The following TBC1D8 variants were observed in gnomAD, a reference collection of about 807,000 sequenced individuals.
The protein encoded by TBC1D8 is TBC1 domain family member 8, also known as BUB2-like protein 1.
TBC1D8 carries 65 observed loss-of-function variants against 118.8 expected under a neutral mutation model. The ratio of observed to expected loss-of-function variants is 0.55; its 90% confidence interval spans 0.45 to 0.67. The LOEUF is 0.67. TBC1D8 is among the 30% of genes least tolerant of loss of function. The probability of loss-of-function intolerance (pLI) is 0.00; values close to 1 mark genes in which losing one functional copy is unlikely to be tolerated. For missense variants in TBC1D8, 1,376 were observed against 1,471.2 expected (o/e 0.94, Z 1.06); for synonymous variants, 566 against 595.8 (o/e 0.95, Z 0.73).
At chr2:101,137,865 T>G (rs1558728773) in intron 1 of TBC1D8, among the ~76,000 whole-genome samples, 1 of 152,198 alleles carries the variant, frequency 6.6e-6, no homozygotes, top group South Asian at 2.1e-4. Flanking sequence ...TGTATAGTGC[T>G]AAGCCAACAG....
intron 1 of TBC1D8, among the ~76,000 whole-genome samples, chr2:101,123,247 G>A (rs2016986): frequency 0.19 from 29,041 of 151,930 alleles, 3,273 homozygotes; most frequent in African/African-American, 0.3. Flanking sequence ...GGAGTCTTTA[G>A]GCTTTTCTAG....
At chr2:101,037,801 G>A (rs944868041) in intron 7 of TBC1D8, 93 bp from the exon 8 acceptor site, 27 of 1,499,020 alleles carry the variant, frequency 1.8e-5, no homozygotes, top group Non-Finnish European at 2.3e-5. Flanking sequence ...GCCTTTGGAT[G>A]CACGGGCATA....
intron 2 of TBC1D8, chr2:101,068,687 T>C (rs1355210995): frequency 2.1e-5 from 8 of 376,378 alleles, no homozygotes; most frequent in Non-Finnish European, 3.8e-5. Context: ...TAGGGAACAA[T>C]CTGCCTTATC....
At chr2:101,127,490 C>T (rs1164927273) in intron 1 of TBC1D8, among the ~76,000 whole-genome samples, 1 of 152,116 alleles carries the variant, frequency 6.6e-6, no homozygotes, top group African/African-American at 2.4e-5. Flanking sequence ...GAACAGACGT[C>T]AGTATGGAGA....
chr2:101,026,143 T>G (rs1320119285), intron 15 of TBC1D8, among the ~76,000 whole-genome samples: 1 of 152,234 alleles, frequency 6.6e-6, no homozygotes, highest in Non-Finnish European at 1.5e-5. Flanking sequence ...ATTACATAAA[T>G]TCCGACATGC....
At chr2:101,112,488 T>C (rs78292627) in intron 1 of TBC1D8, among the ~76,000 whole-genome samples, 1 of 152,336 alleles carries the variant, frequency 6.6e-6, no homozygotes, top group Non-Finnish European at 1.5e-5. Context: ...ACAAAGAGCT[T>C]GGCTTTAAGA....
chr2:101,011,998 G>A (rs1308002077), intron 17 of TBC1D8, among the ~76,000 whole-genome samples: 4 of 151,974 alleles, frequency 2.6e-5, no homozygotes, highest in Admixed American at 6.6e-5. Context: ...GTACTTACAC[G>A]ATTTCTTTTA....
chr2:101,119,067 T>C (rs972198430), intron 1 of TBC1D8, among the ~76,000 whole-genome samples: 2 of 152,040 alleles, frequency 1.3e-5, no homozygotes, highest in Non-Finnish European at 2.9e-5. Context: ...ATGAATTCAG[T>C]AAAGTTTCAG....
chr2:101,109,996 C>T (rs900038456), intron 1 of TBC1D8: 5 of 985,414 alleles, frequency 5.1e-6, no homozygotes, highest in Admixed American at 6.1e-5. Flanking sequence ...GCTTGTCTGG[C>T]GCTACAGGAA....
chr2:101,128,169 A>G (rs943911826), intron 1 of TBC1D8, among the ~76,000 whole-genome samples: 1 of 152,234 alleles, frequency 6.6e-6, no homozygotes, highest in African/African-American at 2.4e-5. Flanking sequence ...AACATGTTAG[A>G]AAAACTACCA....
chr2:101,052,622 G>A (rs769481586), intron 4 of TBC1D8, among the ~76,000 whole-genome samples: 19 of 152,010 alleles, frequency 1.2e-4, no homozygotes, highest in Non-Finnish European at 1.6e-4. Context: ...GACCATAGGC[G>A]TGCACCACCG....
At chr2:101,017,990 T>C (rs1391715780) in intron 17 of TBC1D8, 1 of 1,485,078 alleles carries the variant, frequency 6.7e-7, no homozygotes, top group East Asian at 2.5e-5. Context: ...ACGGTTCCAA[T>C]GCTCGCAATT....
Position 101,110,499 on chromosome 2 carries a change from G to A in TBC1D8, c.128-20135C>T, listed in dbSNP as rs185645417. Among the ~76,000 whole-genome samples, 261 of 152,156 alleles carry A rather than the reference G, an allele frequency of 1.7e-3. 3 individuals carry two copies. The highest frequency in any genetic ancestry group is 3.7e-3 in the East Asian group (19 of 5,168). On this transcript the variant is annotated intron_variant, in intron 1 of 19. Coordinates refer to ENST00000409318, the MANE Select transcript of TBC1D8 (RefSeq NM_001330348.2). ...TCTGAGCAGCTCAATGATGGAAAAC[G>A]TTATTACTGGAGTAATAGAAGGACT...
At chr2:101,113,125 A>G (rs1677679223) in intron 1 of TBC1D8, among the ~76,000 whole-genome samples, 1 of 152,204 alleles carries the variant, frequency 6.6e-6, no homozygotes, top group African/African-American at 2.4e-5. Flanking sequence ...GTTATAAAGA[A>G]TATCTTTCCC....
At position 101,007,991 on chromosome 2, in the gene TBC1D8, G is replaced by T. The variant is rs1269831697; in HGVS notation, c.3298C>A (p.Leu1100Ile). ...AGAAGTGAAGCTAAAATATGTTCAA[G>T]GGAGACAGTCCAGTCCCTTTCTGCC... is the stretch of plus-strand genomic sequence containing the variant. Reference protein sequence around the residue: ...EAAERDWTVSLEHILASLLTE... With the variant: ...EAAERDWTVSIEHILASLLTE... The change falls in exon 20 of 20, where the codon CTT becomes ATT. Residue 1100 changes from leucine to isoleucine, a missense_variant. By Grantham distance (5) the Leu-to-Ile change is conservative. Transcript: ENST00000409318. 2 of 1,614,022 alleles carry T rather than the reference G, an allele frequency of 1.2e-6. No homozygotes were observed. The highest frequency in any genetic ancestry group is 1.1e-5 in the South Asian group (1 of 91,082).
intron 3 of TBC1D8, among the ~76,000 whole-genome samples, chr2:101,056,212 T>A (rs868434128): frequency 0.096 from 5,658 of 59,044 alleles, 398 homozygotes; most frequent in African/African-American, 0.25. Flanking sequence ...TTATTATTTT[T>A]TTTTTTTTTT....
intron 1 of TBC1D8, among the ~76,000 whole-genome samples, chr2:101,135,296 T>C (rs768633910): frequency 6.6e-6 from 1 of 152,172 alleles, no homozygotes; most frequent in African/African-American, 2.4e-5. Flanking sequence ...CAAATCTAAA[T>C]GTTTTATTTG....
chr2:101,150,681 C>T (rs1419017551), intron 1 of TBC1D8, among the ~76,000 whole-genome samples: 1 of 152,216 alleles, frequency 6.6e-6, no homozygotes, highest in South Asian at 2.1e-4. Context: ...CATCGCCGCG[C>T]GCCCCCAGCC....
chr2:101,094,691 C>G (rs543001447), intron 1 of TBC1D8, among the ~76,000 whole-genome samples: 138 of 152,218 alleles, frequency 9.1e-4, no homozygotes, highest in Non-Finnish European at 1.7e-3. Flanking sequence ...TATGTCAAGA[C>G]CAACCCAGCC....
Sources: gnomAD v4.1 joint callset for allele counts (sites outside exome capture counted in the v4.1 genomes callset) on GRCh38, gnomAD v4.1.1 for gene constraint, MANE v1.5 for transcripts, NCBI Gene and HGNC (gene_info 2026-07-23, HGNC 2026-07-21) for gene names.